KIAA1671: variants seen among roughly 807,000 people sequenced by gnomAD.
KIAA1671 encodes the protein KIAA1671.
KIAA1671 carries 52 observed loss-of-function variants against 131.2 expected under a neutral mutation model. That is an observed-to-expected ratio of 0.40 (90% CI 0.32 to 0.50). KIAA1671 has a LOEUF of 0.50. Among genes scored for constraint, KIAA1671 ranks in the 20% least tolerant of loss-of-function variants. The pLI is 0.73. For synonymous variants in KIAA1671, 1,003 were observed against 961.6 expected (o/e 1.04, Z -0.80); for missense variants, 2,360 against 2,364.2 (o/e 1.00, Z 0.04).
intron 6 of KIAA1671, 30 bp downstream of exon 6, chr22:25,049,394 T>G: frequency 1.3e-6 from 2 of 1,538,190 alleles, no homozygotes; most frequent in Non-Finnish European, 8.8e-7. Flanking sequence ...TGGAGAGGAT[T>G]GCACAGGGGT....
intron 4 of KIAA1671, among the ~76,000 whole-genome samples, chr22:25,036,722 C>T: frequency 6.6e-6 from 1 of 151,798 alleles, no homozygotes; most frequent in Non-Finnish European, 1.5e-5. Flanking sequence ...AGTTCAACAC[C>T]AGCCTGACCA....
chr22:25,144,137 T>C (rs1932843935), intron 6 of KIAA1671, among the ~76,000 whole-genome samples: 1 of 152,240 alleles, frequency 6.6e-6, no homozygotes, highest in Non-Finnish European at 1.5e-5. Context: ...ACAGTCTCTT[T>C]CTCTCTCTTT....
chr22:25,163,848 G>A (rs915443394), intron 6 of KIAA1671, among the ~76,000 whole-genome samples: 10 of 152,166 alleles, frequency 6.6e-5, no homozygotes, highest in Non-Finnish European at 1.3e-4. Context: ...ATCCTGCAGG[G>A]CGGTGTCCAT....
intron 11 of KIAA1671, among the ~76,000 whole-genome samples, chr22:25,189,126 C>CTTTTTTTTTTTTTTTTTTTTTTTTT (rs200226589): frequency 8.7e-5 from 10 of 114,864 alleles, no homozygotes; most frequent in African/African-American, 1.7e-4. Context: ...CAGTCTTTTT[C>CTTTTTTTTTTTTTTTTTTTTTTTTT]TTTTTTTTTT....
At chr22:25,005,461 A>T (rs1466344880) in intron 1 of KIAA1671, among the ~76,000 whole-genome samples, 2 of 151,806 alleles carry the variant, frequency 1.3e-5, no homozygotes. Flanking sequence ...GTTAATACGG[A>T]TGATGGATTT....
At chr22:25,114,206 T>C (rs562171618) in intron 6 of KIAA1671, among the ~76,000 whole-genome samples, 1 of 152,354 alleles carries the variant, frequency 6.6e-6, no homozygotes, top group South Asian at 2.1e-4. Context: ...GTAGCCACCC[T>C]ACTGGGTGGT....
intron 11 of KIAA1671, 89 bp downstream of exon 11, chr22:25,185,208 T>G: frequency 7.6e-7 from 1 of 1,320,076 alleles, no homozygotes; most frequent in Non-Finnish European, 1.0e-6. Context: ...TAGAGCTGAA[T>G]AGAAGAGAGT....
chr22:25,098,229 T>C (rs1930484536), intron 6 of KIAA1671, among the ~76,000 whole-genome samples: 3 of 152,152 alleles, frequency 2.0e-5, no homozygotes, highest in Non-Finnish European at 4.4e-5. Flanking sequence ...CAGCACAAAG[T>C]AGAAATTGGC....
chr22:25,079,940 C>T (rs1929318666), intron 6 of KIAA1671, among the ~76,000 whole-genome samples: 1 of 152,002 alleles, frequency 6.6e-6, no homozygotes, highest in Non-Finnish European at 1.5e-5. Context: ...GAGATGATGG[C>T]CGCTCAGACT....
rs539470736 is a variant in KIAA1671 at position 25,124,838 on chromosome 22, C to T, written c.4531-45982C>T. ...GCATTGTGATCATAGCTCACTGCAG[C>T]CTCGACCTCCCAGGCTCATACGATC... On this transcript the variant is annotated intron_variant, in intron 6 of 12. Transcript: ENST00000358431. 1.2e-3 allele frequency among the ~76,000 whole-genome samples: 179 copies of T among 152,218 alleles called. 3 individuals carry two copies. In the South Asian group the frequency reaches 0.031, roughly 26 times the overall value.
intron 6 of KIAA1671, among the ~76,000 whole-genome samples, chr22:25,123,439 G>A (rs1255775549): frequency 2.6e-5 from 4 of 152,016 alleles, no homozygotes; most frequent in Non-Finnish European, 4.4e-5. Context: ...TGATCCACCC[G>A]CCTTGGCCTC....
chr22:25,141,685 C>T (rs1473132960), intron 6 of KIAA1671, among the ~76,000 whole-genome samples: 4 of 152,136 alleles, frequency 2.6e-5, no homozygotes, highest in Admixed American at 6.6e-5. Context: ...TCTAACTACC[C>T]TCCCCTACCT....
At chr22:24,966,077 A>G (rs1370987850) in intron 1 of KIAA1671, among the ~76,000 whole-genome samples, 1 of 152,154 alleles carries the variant, frequency 6.6e-6, no homozygotes, top group Non-Finnish European at 1.5e-5. Context: ...GGCAGGGAGG[A>G]CTAGAGCTTT....
intron 12 of KIAA1671, among the ~76,000 whole-genome samples, chr22:25,191,007 G>A (rs1192643205): frequency 1.3e-5 from 2 of 152,178 alleles, no homozygotes; most frequent in East Asian, 1.9e-4. Context: ...TGGAGTGGGT[G>A]AAAGGTACCA....
chr22:25,093,834 GTCTGTCTCTCTCTCTCTC>G (rs1568951591), intron 6 of KIAA1671, among the ~76,000 whole-genome samples: 2 of 16,940 alleles, frequency 1.2e-4, no homozygotes, highest in Non-Finnish European at 2.2e-4. Flanking sequence ...TTCTCTCTCT[GTCTGTCTCTCTCTCTCTC>G]TCTCTCTCTC....
intron 6 of KIAA1671, chr22:25,055,317 T>C (rs1351080630): frequency 6.7e-6 from 1 of 150,044 alleles, no homozygotes; most frequent in Non-Finnish European, 1.5e-5. Flanking sequence ...TAGTTAGAGA[T>C]TCCCTCTAGA....
At position 25,077,720 on chromosome 22, in the gene KIAA1671, T is replaced by C. The variant is rs541510864; in HGVS notation, c.4530+28356T>C. ...GGTCTCCCTGGAGATGGGAAATCAC[T>C]GTGGTTTTCATTGTGTTTCTAAGCT... On this transcript the variant is annotated intron_variant, in intron 6 of 12. Transcript: ENST00000358431. 5.9e-5 allele frequency among the ~76,000 whole-genome samples: 9 copies of C among 152,330 alleles called. No homozygotes were observed. In the East Asian group the frequency reaches 1.7e-3, roughly 29 times the overall value.
In KIAA1671 at chr22:25,039,636, G is replaced by T. The variant is rs1926804056; in HGVS notation, c.2506G>T (p.Ala836Ser). 1 of 1,548,366 alleles carries T rather than the reference G, an allele frequency of 6.5e-7. No homozygotes were observed. The highest frequency in any genetic ancestry group is 8.7e-7 in the Non-Finnish European group (1 of 1,144,572). ...AVVSSHKATVAVSEEHCAPGA... is the reference protein window; with the variant it reads ...AVVSSHKATVSVSEEHCAPGA... ...GGTGAGCTCGCACAAAGCCACCGTG[G>T]CAGTCAGCGAAGAGCACTGTGCTCC... The change falls in exon 5 of 13, where the codon GCA becomes TCA. Residue 836 changes from alanine (A) to serine (S), a missense_variant. By Grantham distance (99) the Ala-to-Ser change is moderately conservative. This residue lies in a region of KIAA1671 where 1,185 missense variants were observed against 1,126.2 expected (regional missense o/e 1.05). Transcript: ENST00000358431.
intron 6 of KIAA1671, among the ~76,000 whole-genome samples, chr22:25,135,992 G>A (rs5760870): frequency 0.77 from 116,689 of 152,216 alleles, 45,810 homozygotes; most frequent in African/African-American, 0.94. Flanking sequence ...GGAAGGTGAA[G>A]TGGCTTGCCC....
Sources: gnomAD v4.1 joint callset for allele counts (sites outside exome capture counted in the v4.1 genomes callset) on GRCh38, gnomAD v4.1.1 for gene constraint, gnomAD v4.1.1 regional missense constraint, MANE v1.5 for transcripts, NCBI Gene and HGNC (gene_info 2026-07-23, HGNC 2026-07-21) for gene names.